HROB: variants seen among roughly 807,000 people sequenced by gnomAD.
The protein encoded by HROB is homologous recombination factor with OB-fold.
Under a neutral mutation model 61.0 loss-of-function variants are expected in HROB, and 44 were observed. The ratio of observed to expected loss-of-function variants is 0.72; its 90% CI spans 0.57 to 0.93. The LOEUF (loss-of-function observed/expected upper bound fraction) is 0.93, where lower values mean the gene tolerates loss of function less well. Among genes scored for constraint, HROB ranks in the 40% least tolerant of loss-of-function variants. The pLI is 0.00. For missense variants in HROB, 716 were observed against 796.2 expected, an observed-to-expected ratio of 0.90 and a Z score of 1.21; for synonymous variants, 301 against 310.4, an observed-to-expected ratio of 0.97 and a Z score of 0.32.
chr17:44,157,396 A>C (rs2144083663), intron 8 of HROB, among the ~76,000 whole-genome samples: 1 of 139,376 alleles, frequency 7.2e-6, no homozygotes, highest in Non-Finnish European at 1.5e-5. Flanking sequence ...ATACTCTTCC[A>C]TCATGTTTCT....
rs2053943525 is a variant in HROB, at chr17:44,155,410, A to G, written c.1769A>G (p.Lys590Arg). 5.6e-6 allele frequency: 9 copies of G among 1,613,842 alleles called. No individual in the cohort carries two copies. The highest frequency in any genetic ancestry group is 7.6e-6 in the Non-Finnish European group (9 of 1,179,914). Residue 590 changes from lysine to arginine, a missense_variant and splice_region_variant, in exon 8 of 10, where the codon AAG (lysine) becomes AGG (arginine). By Grantham distance (26) the Lys-to-Arg change is conservative. Transcript: ENST00000585683. ...CTCAAGCCATCTCAGCCCTTCCCCA[A>G]GGTAAGAGGAGCAGGAAGAAACGGG... ...SFLKPSQPFPKDSGSFQHDVA... is the reference protein window; with the variant it reads ...SFLKPSQPFPRDSGSFQHDVA...
chr17:44,149,054 G>T lies in HROB; in HGVS notation c.1224+27G>T, dbSNP rs1263800636. The T allele has an allele frequency of 1.9e-6, 3 of 1,588,702 alleles. No individual in the cohort carries two copies. The Admixed American group carries it at 5.1e-5, about 27-fold the overall frequency. On this transcript the variant is annotated intron_variant, in intron 3 of 9. Coordinates refer to ENST00000585683, the MANE Select transcript of HROB (RefSeq NM_001171251.3). ...TGAGTGAGCTGGCTTTCTAGGATTT[G>T]GTGGGCAAGGGAGAGAAGCAGGGTT...
Position 44,154,830 on chromosome 17 carries a change from G to A in HROB, c.1559-23G>A, listed in dbSNP as rs567215649. ...CTGTGCTGCCCTTGACCCCGAGACT[G>A]ATGGGCCATGTGGTATTTGCAGGAG... On this transcript the variant is annotated intron_variant, in intron 6 of 9. Transcript: ENST00000585683. 1.9e-4 allele frequency: 301 copies of A among 1,613,670 alleles called. 3 individuals carry two copies. The South Asian group carries it at 3.1e-3, about 17-fold the overall frequency.
intron 7 of HROB, 76 bp downstream of exon 7, chr17:44,155,014 C>T (rs2053930527): frequency 1.3e-6 from 2 of 1,511,486 alleles, no homozygotes; most frequent in African/African-American, 2.8e-5. Context: ...TGTTTGGCTG[C>T]CTTCCTCTAC....
chr17:44,159,767 TC>T (rs1299470987), intron 9 of HROB, among the ~76,000 whole-genome samples: 2 of 152,196 alleles, frequency 1.3e-5, no homozygotes, highest in East Asian at 3.8e-4. Context: ...ATCAGAGAAA[TC>T]AAAGACTTTA....
chr17:44,157,777 C>A, intron 8 of HROB, 56 bp from the exon 9 acceptor site: 1 of 1,352,992 alleles, frequency 7.4e-7, no homozygotes, highest in Admixed American at 1.9e-5. Context: ...AGAGGTGGTG[C>A]CATCTGAAGG....
At chr17:44,149,335 G>T (rs2053727529) in intron 3 of HROB, among the ~76,000 whole-genome samples, 1 of 151,556 alleles carries the variant, frequency 6.6e-6, no homozygotes, top group East Asian at 1.9e-4. Context: ...TGAAACCTCT[G>T]CCTCCTGGGT....
intron 9 of HROB, 41 bp from the exon 10 acceptor site, chr17:44,161,830 G>A (rs772387183): frequency 6.9e-6 from 11 of 1,597,936 alleles, no homozygotes. Flanking sequence ...ATGGAATGCT[G>A]ATGTTGTCAC....
chr17:44,148,215 C>T lies in HROB; in HGVS notation c.412C>T (p.Leu138Phe), dbSNP rs1280930686. Residue 138 changes from leucine (L) to phenylalanine (F), a missense_variant, in exon 3 of 10, where the codon CTC becomes TTC. Transcript: ENST00000585683. ...TCAGTCCTCAGCCTTACACCCCCTA[C>T]TCACCTTTGAGAGCCAACAGCAGCA... ...RPQSSALHPL[L>F]TFESQQQQVG... 1.2e-6 allele frequency: 2 copies of T among 1,614,218 alleles called. No homozygotes were observed. Among genetic ancestry groups the T allele is most frequent in the Admixed American group, 1.7e-5 (1 of 60,026 alleles).
chr17:44,150,449 G>T (rs1454794531), intron 3 of HROB, among the ~76,000 whole-genome samples: 3 of 151,100 alleles, frequency 2.0e-5, no homozygotes, highest in Non-Finnish European at 2.9e-5. Context: ...GAGTGCAGTG[G>T]CACAATCTCG....
rs771944317 is a variant in HROB, at chr17:44,154,803, C to A, written c.1559-50C>A. The A allele has an allele frequency of 3.7e-6, 6 of 1,606,748 alleles. No homozygotes were observed. The Admixed American group carries it at 6.7e-5, about 18-fold the overall frequency. Reference sequence around the variant, plus strand: ...CTTCCCAGCCAGGGCCCATACCAGTCGCTGTGCTGCCCTTGACCCCGAGAC... The same window carrying A: ...CTTCCCAGCCAGGGCCCATACCAGTAGCTGTGCTGCCCTTGACCCCGAGAC... On this transcript the variant is annotated intron_variant, in intron 6 of 9. Transcript: ENST00000585683.
rs1277756980 is a variant in HROB, at chr17:44,151,029, T to A, written c.1293T>A (p.Ala431=). 6.2e-7 allele frequency: 1 copy of A among 1,612,776 alleles called. No individual in the cohort carries two copies. Residue 431 remains alanine, a synonymous_variant, in exon 4 of 10, where the codon GCT becomes GCA. Coordinates refer to ENST00000585683, the MANE Select transcript of HROB (RefSeq NM_001171251.3). Reference sequence around the variant, plus strand: ...AAACTCCAACCCATGGTGCTCTGGCTAAATTCCAGACAGAGGTAACTTATG... The same window carrying A: ...AAACTCCAACCCATGGTGCTCTGGCAAAATTCCAGACAGAGGTAACTTATG... The part of the protein sequence containing the change: ...APQTPTHGAL[A]KFQTEIVASS...
chr17:44,150,207 T>C (rs1361974938), intron 3 of HROB, among the ~76,000 whole-genome samples: 1 of 152,104 alleles, frequency 6.6e-6, no homozygotes, highest in Non-Finnish European at 1.5e-5. Flanking sequence ...GCCCTCTTCC[T>C]CCCATTTTAA....
intron 1 of HROB, among the ~76,000 whole-genome samples, chr17:44,144,396 C>T (rs1032544973): frequency 6.6e-6 from 1 of 152,118 alleles, no homozygotes; most frequent in Admixed American, 6.6e-5. Flanking sequence ...CCACCTCAAC[C>T]TCCCAAAGTT....
At chr17:44,145,360 T>C in intron 2 of HROB, 107 bp downstream of exon 2, 1 of 1,351,822 alleles carries the variant, frequency 7.4e-7, no homozygotes, top group East Asian at 2.3e-5. Context: ...TTAGTTGACA[T>C]GTGTATGTTT....
chr17:44,144,104 A>G (rs1221202834), intron 1 of HROB, among the ~76,000 whole-genome samples: 1 of 146,604 alleles, frequency 6.8e-6, no homozygotes, highest in African/African-American at 2.6e-5. Flanking sequence ...TAGCCTTCCA[A>G]GTAGCTGAGA....
chr17:44,144,214 C>G (rs1369375596), intron 1 of HROB, among the ~76,000 whole-genome samples: 1 of 151,904 alleles, frequency 6.6e-6, no homozygotes, highest in Non-Finnish European at 1.5e-5. Flanking sequence ...GATCTCGGCT[C>G]ACTGCAACCT....
intron 1 of HROB, among the ~76,000 whole-genome samples, chr17:44,142,992 A>G (rs2053501092): frequency 6.6e-6 from 1 of 152,112 alleles, no homozygotes; most frequent in Non-Finnish European, 1.5e-5. Flanking sequence ...GCTGAAGTGC[A>G]GTGGTGCGAT....
Position 44,147,902 on chromosome 17 carries a change from C to T in HROB, c.99C>T (p.Gly33=). 6.2e-7 allele frequency: 1 copy of T among 1,614,080 alleles called. No homozygotes were observed. Among genetic ancestry groups the T allele is most frequent in the Non-Finnish European group, 8.5e-7 (1 of 1,179,976 alleles). Residue 33 remains glycine, a synonymous_variant, in exon 3 of 10, where the codon GGC becomes GGT. Coordinates refer to ENST00000585683, the MANE Select transcript of HROB (RefSeq NM_001171251.3). ...AGGATGCAGAGAACCGGTTTACTGG[C>T]TCACTGCCTGTGAATGCTGGGCGCC... The part of the protein sequence containing the change: ...AVEDAENRFT[G]SLPVNAGRLR...
Sources: gnomAD v4.1 joint callset for allele counts (sites outside exome capture counted in the v4.1 genomes callset) on GRCh38, gnomAD v4.1.1 for gene constraint, MANE v1.5 for transcripts, NCBI Gene and HGNC (gene_info 2026-07-23, HGNC 2026-07-21) for gene names.